CABLES2: variants seen among roughly 807,000 people sequenced by gnomAD.
The protein encoded by CABLES2 is CDK5 and ABL1 enzyme substrate 2.
CABLES2 carries 35 observed loss-of-function variants against 44.8 expected under a neutral mutation model. The ratio of observed to expected loss-of-function variants is 0.78; its 90% confidence interval spans 0.60 to 1.04. The LOEUF is 1.04. CABLES2 is among the 50% of genes least tolerant of loss of function. The pLI is 0.00. For missense variants in CABLES2, 566 were observed against 615.7 expected, an observed-to-expected ratio of 0.92 and a Z score of 0.85; for synonymous variants, 282 against 281.1, an observed-to-expected ratio of 1.00 and a Z score of -0.03.
At position 62,396,770 on chromosome 20, in the gene CABLES2, C is replaced by T. The variant is rs1453442787; in HGVS notation, c.363-178G>A. Reference sequence around the variant, plus strand: ...CTGAGGCGGGGAGGAGGGGCACCTCCTGCCTTGAGAGGTTCCTGTTTTGGA... The same window carrying T: ...CTGAGGCGGGGAGGAGGGGCACCTCTTGCCTTGAGAGGTTCCTGTTTTGGA... On this transcript the variant is annotated intron_variant, in intron 1 of 9. Transcript: ENST00000279101. The surrounding 1 kb of genome is among the most constrained non-coding windows in gnomAD (Gnocchi z 5.7). Among the ~76,000 whole-genome samples the T allele has an allele frequency of 2.0e-5, 3 of 152,150 alleles. No individual in the cohort carries two copies. The highest frequency in any genetic ancestry group is 4.4e-5 in the Non-Finnish European group (3 of 68,010).
In CABLES2 at chr20:62,390,939, C is replaced by T; in HGVS notation, c.*32G>A. On this transcript the variant is annotated 3_prime_UTR_variant, in exon 10 of 10. Transcript: ENST00000279101. ...ACACCTCCCAGGCCGGCAAGTGCAC[C>T]TCGGTGCCCTGAGCCTTCTGTGGGG... is the stretch of plus-strand genomic sequence containing the variant. 4 of 1,610,308 alleles carry T rather than the reference C, an allele frequency of 2.5e-6. No individual in the cohort carries two copies. The highest frequency in any genetic ancestry group is 3.4e-6 in the Non-Finnish European group (4 of 1,177,036).
intron 4 of CABLES2, 32 bp from the exon 5 acceptor site, chr20:62,394,297 T>C: frequency 1.3e-6 from 2 of 1,580,272 alleles, no homozygotes; most frequent in Non-Finnish European, 1.7e-6. Flanking sequence ...GGGGCTGTGG[T>C]CTGCGCTGAA....
rs1987972277 is a variant in CABLES2 at position 62,394,162 on chromosome 20, C to T, written c.709G>A (p.Gly237Arg). The change falls in exon 5 of 10, where the codon GGG (glycine) becomes AGG (arginine). Residue 237 changes from glycine (G) to arginine (R), a missense_variant. Gly to Arg is a moderately radical substitution (Grantham distance 125). Around this residue, in one of 2 missense-constraint regions of CABLES2, gnomAD observed 436 missense variants for 536.3 expected, o/e 0.81. Coordinates refer to ENST00000279101, the MANE Select transcript of CABLES2 (RefSeq NM_031215.3). The part of the protein sequence containing the change: ...ELEGVELGAD[G>R]KVVSYAKFLY... Reference sequence around the variant, plus strand: ...ACCAGCGAAGAGGCTCTTACCTTCCCGTCTGCTCCTAGCTCCACACCTTCT... The same window carrying T: ...ACCAGCGAAGAGGCTCTTACCTTCCTGTCTGCTCCTAGCTCCACACCTTCT... 3.7e-6 allele frequency: 6 copies of T among 1,613,090 alleles called. No individual in the cohort carries two copies. Among genetic ancestry groups the T allele is most frequent in the East Asian group, 2.2e-5 (1 of 44,884 alleles).
chr20:62,395,522 A>G (rs1988002097), intron 3 of CABLES2, among the ~76,000 whole-genome samples: 1 of 152,204 alleles, frequency 6.6e-6, no homozygotes. Flanking sequence ...AAGGCGCTCG[A>G]GCAGCCGGGC....
intron 1 of CABLES2, among the ~76,000 whole-genome samples, chr20:62,398,683 C>A (rs990605636): frequency 6.6e-6 from 1 of 152,244 alleles, no homozygotes; most frequent in Non-Finnish European, 1.5e-5. Context: ...GGTCCCCACA[C>A]CATGCCCTTG....
chr20:62,390,138 C>G lies in CABLES2; in HGVS notation c.*833G>C, dbSNP rs1190075769. On this transcript the variant is annotated 3_prime_UTR_variant, in exon 10 of 10. Coordinates refer to ENST00000279101, the MANE Select transcript of CABLES2 (RefSeq NM_031215.3). ...ACAATATTGCTTAGAAAAATAAGAG[C>G]CGGCAAGCAGCAATTGTCCTGGAGG... The G allele has an allele frequency of 1.3e-5, 2 of 152,328 alleles. No homozygotes were observed. The highest frequency in any genetic ancestry group is 4.8e-5 in the African/African-American group (2 of 41,380). 9.4% of individuals were successfully genotyped at this position (152,328 alleles called of 1,614,324 possible).
chr20:62,399,541 C>T (rs1483293886), intron 1 of CABLES2, among the ~76,000 whole-genome samples: 1 of 143,990 alleles, frequency 6.9e-6, no homozygotes, highest in African/African-American at 2.6e-5. Flanking sequence ...GCCACCACGC[C>T]CGGCCTGTTT....
intron 7 of CABLES2, 34 bp from the exon 8 acceptor site, chr20:62,392,529 C>G: frequency 6.7e-7 from 1 of 1,488,474 alleles, no homozygotes; most frequent in Non-Finnish European, 9.4e-7. Context: ...TGGGCCGGCC[C>G]CTCGCACAGT....
intron 1 of CABLES2, chr20:62,402,624 AG>A (rs927217752): frequency 6.6e-6 from 1 of 152,200 alleles, no homozygotes; most frequent in African/African-American, 2.4e-5. Context: ...GACCACCCCC[AG>A]CCCCATCCCC....
At chr20:62,402,918 CA>C (rs2146429212) in intron 1 of CABLES2, 1 of 152,374 alleles carries the variant, frequency 6.6e-6, no homozygotes, top group East Asian at 1.9e-4. Context: ...CGCTTGTAAA[CA>C]AGGTGCCAGA....
chr20:62,392,954 T>C lies in CABLES2; in HGVS notation c.950A>G (p.Lys317Arg). 2 of 1,614,048 alleles carry C rather than the reference T, an allele frequency of 1.2e-6. No homozygotes were observed. The highest frequency in any genetic ancestry group is 1.7e-6 in the Non-Finnish European group (2 of 1,180,004). Residue 317 changes from lysine to arginine, a missense_variant, in exon 7 of 10, where the codon AAG becomes AGG. Physicochemically the swap from Lys to Arg is conservative, Grantham distance 26. Around this residue, in one of 2 missense-constraint regions of CABLES2, gnomAD observed 436 missense variants for 536.3 expected, o/e 0.81. Transcript: ENST00000279101. ...CGCAAAGATGAGGACACGTTTGTGC[T>C]TGCCGCAGGGCCACTGCGGGTCATC... ...LLDDPQWPCGKHKRVLIFASY... is the reference protein window; with the variant it reads ...LLDDPQWPCGRHKRVLIFASY...
Position 62,391,421 on chromosome 20 carries a change from T to A in CABLES2, c.1124A>T (p.Glu375Val). Residue 375 changes from glutamate (E) to valine (V), a missense_variant, in exon 9 of 10, where the codon GAG becomes GTG. Coordinates refer to ENST00000279101, the MANE Select transcript of CABLES2 (RefSeq NM_031215.3). The surrounding 1 kb of genome is among the most constrained non-coding windows in gnomAD (Gnocchi z 5.7). ...LKREMRSLSEECSLEPVTVAM... is the reference protein window; with the variant it reads ...LKREMRSLSEVCSLEPVTVAM... ...CACCGTCACGGGCTCCAGGCTGCAC[T>A]CCTCCGACAGGCTCCGCATCTCCCG... The A allele has an allele frequency of 6.2e-7, 1 of 1,613,238 alleles. No homozygotes were observed. The highest frequency in any genetic ancestry group is 8.5e-7 in the Non-Finnish European group (1 of 1,180,004).
intron 1 of CABLES2, among the ~76,000 whole-genome samples, chr20:62,400,544 T>C (rs1030623908): frequency 6.6e-6 from 1 of 152,232 alleles, no homozygotes; most frequent in African/African-American, 2.4e-5. Context: ...TTGTGTGTCC[T>C]GACCTACAAG....
At chr20:62,398,444 C>A (rs1988126969) in intron 1 of CABLES2, among the ~76,000 whole-genome samples, 1 of 151,978 alleles carries the variant, frequency 6.6e-6, no homozygotes, top group African/African-American at 2.4e-5. Context: ...CCAGGCTTGG[C>A]ATGGGGCATT....
chr20:62,394,270 A>G lies in CABLES2; in HGVS notation c.606-5T>C. The stretch of plus-strand genomic sequence containing the variant: ...TGGCTGTCCACCCTCAGGTCACTGC[A>G]AACATGGGAGAGGCAAGGGGCTGTG... On this transcript the variant is annotated splice_region_variant and splice_polypyrimidine_tract_variant and intron_variant, in intron 4 of 9. Transcript: ENST00000279101. 5 of 1,612,236 alleles carry G rather than the reference A, an allele frequency of 3.1e-6. No individual in the cohort carries two copies. Among genetic ancestry groups the G allele is most frequent in the Non-Finnish European group, 4.2e-6 (5 of 1,179,270 alleles).
chr20:62,392,301 C>T, intron 8 of CABLES2, 88 bp downstream of exon 8: 4 of 995,826 alleles, frequency 4.0e-6, no homozygotes, highest in Non-Finnish European at 6.3e-6. Context: ...CTAGACTTGT[C>T]AAGCTGGAGA....
At chr20:62,392,362 T>G in intron 8 of CABLES2, 27 bp downstream of exon 8, 4,865 of 1,474,878 alleles carry the variant, frequency 3.3e-3, no homozygotes, top group Non-Finnish European at 4.2e-3. Flanking sequence ...CCCAGGACGA[T>G]GAGATGGTCT....
Position 62,406,980 on chromosome 20 carries a change from C to G in CABLES2, c.297G>C (p.Ala99=), listed in dbSNP as rs758985691. 1 of 1,204,856 alleles carries G rather than the reference C, an allele frequency of 8.3e-7. No homozygotes were observed. Among genetic ancestry groups the G allele is most frequent in the African/African-American group, 1.6e-5 (1 of 63,168 alleles). 74.6% of individuals were successfully genotyped at this position (1,204,856 alleles called of 1,614,324 possible). A position where few individuals can be genotyped will look rare whatever the true frequency, so the allele number is the denominator to read the frequency against. The change falls in exon 1 of 10, where the codon GCG becomes GCC. Residue 99 remains alanine, a synonymous_variant. Transcript: ENST00000279101. ...PPTGLPARTP[A]PQGLLSPTQV... is the part of the protein sequence containing the mutation. ...GCGTGGGGCTGAGCAGGCCCTGGGG[C>G]GCGGGGGTCCTGGCGGGCAGCCCGG... is the stretch of plus-strand genomic sequence containing the variant.
chr20:62,396,480 C>T lies in CABLES2; in HGVS notation c.434+41G>A, dbSNP rs559347448. The T allele has an allele frequency of 3.1e-5, 50 of 1,613,594 alleles. No homozygotes were observed. The highest frequency in any genetic ancestry group is 6.7e-5 in the East Asian group (3 of 44,858). The stretch of plus-strand genomic sequence containing the variant: ...GGCCCCGCAGGGGTCAGTGGCAGCC[C>T]GAGCGGAGTCGTAGAGCTCGGGGCG... On this transcript the variant is annotated intron_variant, in intron 2 of 9. Transcript: ENST00000279101. The surrounding 1 kb of genome is among the most constrained non-coding windows in gnomAD (Gnocchi z 5.7).
Sources: gnomAD v4.1 joint callset for allele counts (sites outside exome capture counted in the v4.1 genomes callset) on GRCh38, gnomAD v4.1.1 for gene constraint, gnomAD v4.1.1 regional missense constraint, Gnocchi (gnomAD v3.1) non-coding constraint, MANE v1.5 for transcripts, NCBI Gene and HGNC (gene_info 2026-07-23, HGNC 2026-07-21) for gene names.